Variants in HSPA14 observed in about 807,000 individuals in gnomAD.
The protein encoded by HSPA14 is heat shock 70 kDa protein 14.
A neutral mutation model predicts 65.5 loss-of-function variants in HSPA14; 37 were observed. That is an observed-to-expected ratio of 0.56 (90% CI 0.43 to 0.74). The LOEUF (loss-of-function observed/expected upper bound fraction) is 0.74, where lower values mean the gene tolerates loss of function less well. Among genes scored for constraint, HSPA14 ranks in the 30% least tolerant of loss-of-function variants. The pLI is 0.00. For synonymous variants in HSPA14, 203 were observed against 214.2 expected (o/e 0.95, Z 0.46); for missense variants, 564 against 607.6 (o/e 0.93, Z 0.75).
intron 3 of HSPA14, chr10:14,844,276 T>C (rs1017667300): frequency 1.2e-5 from 13 of 1,083,464 alleles, no homozygotes; most frequent in Middle Eastern, 8.4e-4. Flanking sequence ...TTCATAGATG[T>C]GAAAGGGTTT....
At chr10:14,838,923 C>T (rs1207515179) in intron 1 of HSPA14, among the ~76,000 whole-genome samples, 1 of 152,136 alleles carries the variant, frequency 6.6e-6, no homozygotes, top group Non-Finnish European at 1.5e-5. Context: ...GTGGGAGGTC[C>T]TGGGAAAGTT....
At chr10:14,853,406 C>T (rs1202022061) in intron 8 of HSPA14, among the ~76,000 whole-genome samples, 1 of 152,100 alleles carries the variant, frequency 6.6e-6, no homozygotes, top group Non-Finnish European at 1.5e-5. Flanking sequence ...AGTGATTGTG[C>T]TGTGATTATA....
At position 14,842,272 on chromosome 10, in the gene HSPA14, T is replaced by C; in HGVS notation, c.221+2115T>C. 6.5e-7 allele frequency: 1 copy of C among 1,535,044 alleles called. No individual in the cohort carries two copies. The highest frequency in any genetic ancestry group is 1.4e-5 in the African/African-American group (1 of 73,164). On this transcript the variant is annotated intron_variant, in intron 3 of 13. Transcript: ENST00000378372. The surrounding 1 kb of genome is among the most constrained non-coding windows in gnomAD (Gnocchi z 5.2). Reference sequence around the variant, plus strand: ...CTGTCCAGAAGCTGCCTAGCCCTCCTTTCCAACCCACAATGGCCAGTGCCA... The same window carrying C: ...CTGTCCAGAAGCTGCCTAGCCCTCCCTTCCAACCCACAATGGCCAGTGCCA...
intron 1 of HSPA14, 80 bp downstream of exon 1, chr10:14,838,539 GCGGCGT>G: frequency 1.5e-6 from 2 of 1,361,792 alleles, no homozygotes; most frequent in Non-Finnish European, 2.0e-6. Context: ...AGGCTTGAGA[GCGGCGT>G]GTCGCCGGCC....
chr10:14,871,669 T>A lies in HSPA14; in HGVS notation c.*63T>A. Reference sequence around the variant, plus strand: ...ATCAACATTTGGTTTTGTGTATAAGTGGTGTTTGTATTAAAATACTTTTTC... The same window carrying A: ...ATCAACATTTGGTTTTGTGTATAAGAGGTGTTTGTATTAAAATACTTTTTC... On this transcript the variant is annotated 3_prime_UTR_variant, in exon 14 of 14. Coordinates refer to ENST00000378372, the MANE Select transcript of HSPA14 (RefSeq NM_016299.4). 1.2e-6 allele frequency: 1 copy of A among 849,352 alleles called. No individual in the cohort carries two copies. The highest frequency in any genetic ancestry group is 1.9e-6 in the Non-Finnish European group (1 of 521,510). 52.6% of individuals were successfully genotyped at this position (849,352 alleles called of 1,614,324 possible). A position where few individuals can be genotyped will look rare whatever the true frequency, so the allele number is the denominator to read the frequency against.
Position 14,840,172 on chromosome 10 carries a change from G to T in HSPA14, c.221+15G>T. ...CTGGGCAGAAGGTATGGAATCAAAT[G>T]ATACTTTTAAATATGGTAATAGGAA... On this transcript the variant is annotated intron_variant, in intron 3 of 13. Coordinates refer to ENST00000378372, the MANE Select transcript of HSPA14 (RefSeq NM_016299.4). The T allele has an allele frequency of 2.4e-6, 3 of 1,264,120 alleles. No homozygotes were observed. Among genetic ancestry groups the T allele is most frequent in the South Asian group, 1.8e-5 (1 of 55,368 alleles). The allele number at this position is 1,264,120 out of a possible 1,614,324, so 78.3% of individuals were successfully genotyped here. A position where few individuals can be genotyped will look rare whatever the true frequency, so the allele number is the denominator to read the frequency against.
intron 12 of HSPA14, 49 bp from the exon 13 acceptor site, chr10:14,870,548 A>C: frequency 6.5e-7 from 1 of 1,548,844 alleles, no homozygotes; most frequent in Non-Finnish European, 8.7e-7. Flanking sequence ...ACATCAGTTC[A>C]TTTATGTAAA....
rs377687771 is a variant in HSPA14 at position 14,855,829 on chromosome 10, A to C, written c.891-12A>C. ...TGTCTGTGTGTTTCTGTGTGTGTGT[A>C]TGTGTGTACAGAGCAAGATTTGAAC... is the stretch of plus-strand genomic sequence containing the variant. On this transcript the variant is annotated splice_polypyrimidine_tract_variant and intron_variant, in intron 9 of 13. Coordinates refer to ENST00000378372, the MANE Select transcript of HSPA14 (RefSeq NM_016299.4). 7.3e-7 allele frequency: 1 copy of C among 1,361,364 alleles called. No homozygotes were observed. The highest frequency in any genetic ancestry group is 1.0e-6 in the Non-Finnish European group (1 of 953,394). The allele number at this position is 1,361,364 out of a possible 1,614,324, so 84.3% of individuals were successfully genotyped here.
chr10:14,844,570 G>GT (rs758748864), intron 3 of HSPA14: 35 of 985,358 alleles, frequency 3.6e-5, no homozygotes, highest in Non-Finnish European at 4.0e-5. Flanking sequence ...AGTAAGCACT[G>GT]TTTTGTCAAA....
intron 8 of HSPA14, among the ~76,000 whole-genome samples, chr10:14,852,791 C>T (rs887209652): frequency 6.6e-6 from 1 of 152,094 alleles, no homozygotes; most frequent in South Asian, 2.1e-4. Flanking sequence ...ACTGCATGAA[C>T]GTAGATTTTA....
rs1471431117 is a variant in HSPA14, at chr10:14,860,669, G to A, written c.993+4726G>A. ...CCGAACTGAGTGAGCCAGGGAGACG[G>A]TGGACAGAGGTGAGCTTGGCAAGGA... On this transcript the variant is annotated intron_variant, in intron 10 of 13. Coordinates refer to ENST00000378372, the MANE Select transcript of HSPA14 (RefSeq NM_016299.4). 3.3e-5 allele frequency among the ~76,000 whole-genome samples: 5 copies of A among 152,142 alleles called. No homozygotes were observed. In the East Asian group the frequency reaches 7.7e-4, roughly 24 times the overall value.
At chr10:14,849,406 C>T (rs905925784) in intron 5 of HSPA14, 7 of 513,456 alleles carry the variant, frequency 1.4e-5, no homozygotes, top group Non-Finnish European at 1.6e-5. Context: ...AACATTATGA[C>T]GTTGTGTCTT....
At chr10:14,839,184 A>T (rs537035357) in intron 1 of HSPA14, among the ~76,000 whole-genome samples, 1 of 152,358 alleles carries the variant, frequency 6.6e-6, no homozygotes, top group African/African-American at 2.4e-5. Context: ...AGAAGAAACG[A>T]TAATCATGAA....
intron 3 of HSPA14, chr10:14,844,131 C>G (rs1834012925): frequency 2.2e-6 from 3 of 1,339,446 alleles, no homozygotes; most frequent in Non-Finnish European, 2.9e-6. Context: ...ACGTTCTAGA[C>G]AGCTGGTTCA....
chr10:14,866,523 G>C (rs569697312), intron 10 of HSPA14, among the ~76,000 whole-genome samples: 20 of 152,288 alleles, frequency 1.3e-4, no homozygotes, highest in African/African-American at 4.6e-4. Context: ...GTTTAAGGGA[G>C]CAATTTTATA....
intron 8 of HSPA14, 95 bp from the exon 9 acceptor site, chr10:14,854,030 T>A (rs1449127570): frequency 1.4e-5 from 17 of 1,253,828 alleles, no homozygotes; most frequent in Non-Finnish European, 1.9e-5. Context: ...ATTCACTAAT[T>A]TATTATTGTT....
intron 11 of HSPA14, 68 bp from the exon 12 acceptor site, chr10:14,867,667 TA>T: frequency 7.4e-7 from 1 of 1,350,986 alleles, no homozygotes; most frequent in Non-Finnish European, 1.0e-6. Flanking sequence ...ATCTCATTTA[TA>T]ATGGGAAGTT....
At chr10:14,844,834 T>C (rs1834028278) in intron 3 of HSPA14, 1 of 985,366 alleles carries the variant, frequency 1.0e-6, no homozygotes, top group South Asian at 4.7e-5. Flanking sequence ...TCAGATTATA[T>C]CAGTTTCCCA....
intron 11 of HSPA14, among the ~76,000 whole-genome samples, 196 bp from the exon 12 acceptor site, chr10:14,867,540 C>T (rs1168205013): frequency 6.6e-6 from 1 of 151,978 alleles, no homozygotes; most frequent in Non-Finnish European, 1.5e-5. Flanking sequence ...TAATATTAAT[C>T]ATAAGCTAAT....
Sources: allele counts gnomAD v4.1 joint callset (sites outside exome capture counted in the v4.1 genomes callset), GRCh38; gene constraint gnomAD v4.1.1; non-coding constraint Gnocchi (gnomAD v3.1); transcripts MANE v1.5; gene names NCBI Gene and HGNC (gene_info 2026-07-23, HGNC 2026-07-21).